SLC35F1: variants seen among roughly 807,000 people sequenced by gnomAD.
SLC35F1 encodes solute carrier family 35 member F1, also known as chromosome 6 open reading frame 169.
A neutral mutation model predicts 48.7 loss-of-function variants in SLC35F1; 14 were observed. The observed-to-expected ratio is 0.29, with a 90% CI of 0.19 to 0.45. SLC35F1 has a LOEUF of 0.45. SLC35F1 is among the 20% of genes least tolerant of loss of function. The probability of loss-of-function intolerance (pLI) is 1.00; values close to 1 mark genes in which losing one functional copy is unlikely to be tolerated. For missense variants in SLC35F1, 404 were observed against 500.0 expected, an observed-to-expected ratio of 0.81 and a Z score of 1.83; for synonymous variants, 190 against 202.2, an observed-to-expected ratio of 0.94 and a Z score of 0.51.
At chr6:118,039,292 C>T (rs567397351) in intron 1 of SLC35F1, among the ~76,000 whole-genome samples, 1 of 151,570 alleles carries the variant, frequency 6.6e-6, no homozygotes. Flanking sequence ...TTTTTCTTTA[C>T]GTTTAGTTTT....
intron 1 of SLC35F1, among the ~76,000 whole-genome samples, chr6:117,966,749 A>C (rs1379847725): frequency 6.6e-6 from 1 of 152,034 alleles, no homozygotes; most frequent in Non-Finnish European, 1.5e-5. Flanking sequence ...CCTGTGTCCA[A>C]ATTTCCTCTT....
At chr6:118,192,236 C>G (rs1031500281) in intron 2 of SLC35F1, among the ~76,000 whole-genome samples, 6 of 152,116 alleles carry the variant, frequency 3.9e-5, no homozygotes, top group African/African-American at 1.2e-4. Context: ...GCAAATCTGG[C>G]AAAGTATTTC....
At chr6:117,984,709 C>T (rs1562255452) in intron 1 of SLC35F1, among the ~76,000 whole-genome samples, 1 of 152,226 alleles carries the variant, frequency 6.6e-6, no homozygotes, top group East Asian at 1.9e-4. Context: ...GAAAAGTTTG[C>T]CAACCCCAGC....
At chr6:118,147,211 G>A (rs1382053170) in intron 1 of SLC35F1, among the ~76,000 whole-genome samples, 1 of 152,164 alleles carries the variant, frequency 6.6e-6, no homozygotes, top group African/African-American at 2.4e-5. Flanking sequence ...GTCTGCTAGA[G>A]TTTCCTACTG....
At chr6:117,948,831 C>T (rs921070440) in intron 1 of SLC35F1, among the ~76,000 whole-genome samples, 1 of 151,830 alleles carries the variant, frequency 6.6e-6, no homozygotes, top group Non-Finnish European at 1.5e-5. Flanking sequence ...GTACTTCACG[C>T]AAGAGATAAT....
chr6:118,266,190 CT>C (rs1396704689), intron 3 of SLC35F1, among the ~76,000 whole-genome samples: 1 of 152,182 alleles, frequency 6.6e-6, no homozygotes, highest in African/African-American at 2.4e-5. Context: ...AAATTCAGGT[CT>C]TCTGGCTCCT....
intron 1 of SLC35F1, among the ~76,000 whole-genome samples, chr6:118,018,972 C>T (rs1025567858): frequency 1.9e-4 from 29 of 152,242 alleles, no homozygotes; most frequent in African/African-American, 6.0e-4. Flanking sequence ...GACTGAAAAT[C>T]ATTTGAAATA....
chr6:118,152,473 G>A (rs188223159), intron 1 of SLC35F1, among the ~76,000 whole-genome samples: 4 of 152,246 alleles, frequency 2.6e-5, no homozygotes, highest in Admixed American at 1.3e-4. Context: ...GCAATCTTTC[G>A]GGGTGGTTCA....
chr6:118,175,540 A>G (rs1774475474), intron 2 of SLC35F1, among the ~76,000 whole-genome samples: 1 of 152,158 alleles, frequency 6.6e-6, no homozygotes. Context: ...AAAAGAAAGC[A>G]GAAAGTTTTA....
intron 7 of SLC35F1, among the ~76,000 whole-genome samples, chr6:118,306,455 T>C (rs1776312890): frequency 1.3e-5 from 2 of 152,222 alleles, no homozygotes; most frequent in African/African-American, 4.8e-5. Flanking sequence ...TAAAATTCAG[T>C]CTCTTACAAA....
chr6:118,311,144 A>G (rs1776367297), intron 7 of SLC35F1, among the ~76,000 whole-genome samples: 1 of 152,204 alleles, frequency 6.6e-6, no homozygotes, highest in African/African-American at 2.4e-5. Flanking sequence ...TGTCTCTTCC[A>G]ATTCATTGTC....
intron 1 of SLC35F1, among the ~76,000 whole-genome samples, chr6:118,082,412 T>C (rs1772924447): frequency 6.6e-6 from 1 of 152,154 alleles, no homozygotes; most frequent in South Asian, 2.1e-4. Context: ...TAGAAAGTTA[T>C]GGAACAAACA....
At chr6:118,012,336 A>G (rs919725340) in intron 1 of SLC35F1, among the ~76,000 whole-genome samples, 2 of 151,720 alleles carry the variant, frequency 1.3e-5, no homozygotes, top group African/African-American at 2.4e-5. Flanking sequence ...GAAAAAAAAA[A>G]AAAAGAAAAA....
chr6:117,963,618 TC>T (rs1177037230), intron 1 of SLC35F1, among the ~76,000 whole-genome samples: 6 of 152,266 alleles, frequency 3.9e-5, no homozygotes, highest in Middle Eastern at 3.4e-3. Flanking sequence ...TAGACAATTT[TC>T]CCCCCTGAAT....
chr6:118,220,116 T>C (rs903931265), intron 2 of SLC35F1, among the ~76,000 whole-genome samples: 1 of 151,946 alleles, frequency 6.6e-6, no homozygotes, highest in Non-Finnish European at 1.5e-5. Flanking sequence ...TGTATACATA[T>C]GTAACAAAGC....
intron 4 of SLC35F1, among the ~76,000 whole-genome samples, chr6:118,268,226 A>G (rs1244388741): frequency 6.6e-6 from 1 of 152,190 alleles, no homozygotes; most frequent in African/African-American, 2.4e-5. Flanking sequence ...GACAAAGCAG[A>G]GACTGGAACA....
At chr6:118,231,973 C>T (rs1399293728) in intron 2 of SLC35F1, among the ~76,000 whole-genome samples, 2 of 152,322 alleles carry the variant, frequency 1.3e-5, no homozygotes, top group African/African-American at 4.8e-5. Context: ...ACGTTGTCTA[C>T]ATTCTAACTA....
At chr6:118,291,060 T>C (rs1776115531) in intron 7 of SLC35F1, among the ~76,000 whole-genome samples, 1 of 152,146 alleles carries the variant, frequency 6.6e-6, no homozygotes, top group Non-Finnish European at 1.5e-5. Context: ...CCCAAAGTGC[T>C]GGGATTACAG....
chr6:117,988,364 T>C (rs1776874481), intron 1 of SLC35F1, among the ~76,000 whole-genome samples: 2 of 152,184 alleles, frequency 1.3e-5, no homozygotes, highest in South Asian at 4.1e-4. Context: ...TAATACAATA[T>C]CATAATTCAG....
Sources: gnomAD v4.1 joint callset for allele counts (sites outside exome capture counted in the v4.1 genomes callset) on GRCh38, gnomAD v4.1.1 for gene constraint, MANE v1.5 for transcripts, NCBI Gene and HGNC (gene_info 2026-07-23, HGNC 2026-07-21) for gene names.